SHROOM3: variants seen among roughly 807,000 people sequenced by gnomAD.
SHROOM3 encodes the protein protein Shroom3.
A neutral mutation model predicts 138.6 loss-of-function variants in SHROOM3; 47 were observed. That is an observed-to-expected ratio of 0.34 (90% confidence interval 0.27 to 0.43). The LOEUF (loss-of-function observed/expected upper bound fraction) is 0.43. SHROOM3 is among the 20% of genes least tolerant of loss of function. SHROOM3 has a pLI of 1.00. For synonymous variants in SHROOM3, 1,062 were observed against 1,063.3 expected (o/e 1.00, Z 0.02); for missense variants, 2,491 against 2,596.5 (o/e 0.96, Z 0.88).
chr4:76,495,683 T>C (rs1350798170), intron 1 of SHROOM3, among the ~76,000 whole-genome samples: 2 of 152,166 alleles, frequency 1.3e-5, no homozygotes, highest in South Asian at 2.1e-4. Flanking sequence ...TTTTTCCTGA[T>C]GTGGGGAGAG....
At chr4:76,513,235 C>T (rs1732375224) in intron 1 of SHROOM3, among the ~76,000 whole-genome samples, 1 of 152,124 alleles carries the variant, frequency 6.6e-6, no homozygotes, top group Non-Finnish European at 1.5e-5. Flanking sequence ...GGAGACAATG[C>T]CAGCTAAACA....
chr4:76,461,699 G>T (rs1478051999), intron 1 of SHROOM3, among the ~76,000 whole-genome samples: 1 of 151,952 alleles, frequency 6.6e-6, no homozygotes, highest in Non-Finnish European at 1.5e-5. Context: ...AAAGCAAAAG[G>T]CTTATGGTAA....
chr4:76,544,434 T>G (rs1359222971), intron 1 of SHROOM3, among the ~76,000 whole-genome samples: 5 of 143,550 alleles, frequency 3.5e-5, no homozygotes, highest in Admixed American at 1.4e-4. Flanking sequence ...TTTTTTTTTT[T>G]GATGCAGAGT....
At chr4:76,668,598 CAAAT>C (rs1302284008) in intron 2 of SHROOM3, among the ~76,000 whole-genome samples, 2 of 151,028 alleles carry the variant, frequency 1.3e-5, no homozygotes, top group Non-Finnish European at 3.0e-5. Flanking sequence ...AACAAACAAA[CAAAT>C]GAAAAAAACT....
chr4:76,709,188 C>A (rs1234934305), intron 2 of SHROOM3, among the ~76,000 whole-genome samples: 1 of 152,220 alleles, frequency 6.6e-6, no homozygotes, highest in Non-Finnish European at 1.5e-5. Context: ...GTTCAGTAAT[C>A]CCTTCCCCTC....
chr4:76,602,841 G>C (rs1474935016), intron 2 of SHROOM3, among the ~76,000 whole-genome samples: 1 of 152,014 alleles, frequency 6.6e-6, no homozygotes, highest in East Asian at 1.9e-4. Context: ...CTTTCCTCCT[G>C]GTGCCTCGGT....
intron 1 of SHROOM3, among the ~76,000 whole-genome samples, chr4:76,452,381 C>G (rs1212983901): frequency 6.6e-6 from 1 of 152,200 alleles, no homozygotes; most frequent in Non-Finnish European, 1.5e-5. Flanking sequence ...AACCAATTCT[C>G]CATTCCTTCC....
chr4:76,602,567 G>A (rs1027391027), intron 2 of SHROOM3, among the ~76,000 whole-genome samples: 4 of 151,802 alleles, frequency 2.6e-5, no homozygotes, highest in Non-Finnish European at 5.9e-5. Flanking sequence ...ATATATAGTA[G>A]GCAAAATTAA....
rs138801107 is a variant in SHROOM3, at chr4:76,746,362, A to C, written c.3754-2655A>C. The stretch of plus-strand genomic sequence containing the variant: ...GATTATAATACCATACTTTTACTGT[A>C]TCTTCTCCATGTTTAGATACAAAAA... On this transcript the variant is annotated intron_variant, in intron 5 of 10. Transcript: ENST00000296043. 3.9e-3 allele frequency among the ~76,000 whole-genome samples: 595 copies of C among 152,336 alleles called. 3 individuals carry two copies. Among genetic ancestry groups the C allele is most frequent in the Non-Finnish European group, 6.8e-3 (464 of 68,030 alleles).
At chr4:76,503,919 A>C (rs536717609) in intron 1 of SHROOM3, among the ~76,000 whole-genome samples, 17 of 152,264 alleles carry the variant, frequency 1.1e-4, no homozygotes, top group African/African-American at 4.1e-4. Context: ...CCATCTCTTA[A>C]GATGTCCAAC....
intron 2 of SHROOM3, among the ~76,000 whole-genome samples, chr4:76,661,352 A>C (rs1291956203): frequency 2.6e-5 from 4 of 151,854 alleles, no homozygotes; most frequent in South Asian, 2.1e-4. Context: ...GCCTCAGCCT[A>C]CCAAGTAGCT....
At chr4:76,592,059 T>C (rs1183798077) in intron 2 of SHROOM3, among the ~76,000 whole-genome samples, 2 of 152,162 alleles carry the variant, frequency 1.3e-5, no homozygotes, top group African/African-American at 4.8e-5. Context: ...TATTGCAATT[T>C]TTTAGGGGGT....
Position 76,770,652 on chromosome 4 carries a change from C to T in SHROOM3, c.5376C>T (p.His1792=). The part of the protein sequence containing the change: ...KKAELIGSLT[H]KLETLQEAKG... ...CTGAGCTCATTGGAAGTCTCACCCA[C>T]AAGCTGGAGACCCTCCAGGAGGCGA... Residue 1792 remains histidine, a synonymous_variant, in exon 10 of 11, where the codon CAC becomes CAT. Coordinates refer to ENST00000296043, the MANE Select transcript of SHROOM3 (RefSeq NM_020859.4). The T allele has an allele frequency of 2.5e-6, 4 of 1,614,142 alleles. No homozygotes were observed. Among genetic ancestry groups the T allele is most frequent in the Non-Finnish European group, 3.4e-6 (4 of 1,180,026 alleles).
intron 2 of SHROOM3, among the ~76,000 whole-genome samples, chr4:76,620,070 C>CAAAAAAAA (rs68039696): frequency 8.0e-4 from 49 of 60,916 alleles, no homozygotes; most frequent in East Asian, 1.4e-3. Flanking sequence ...GAATCTATCT[C>CAAAAAAAA]AAAAAAAAAA....
At chr4:76,727,572 C>G (rs1218827152) in intron 3 of SHROOM3, among the ~76,000 whole-genome samples, 1 of 152,168 alleles carries the variant, frequency 6.6e-6, no homozygotes, top group Non-Finnish European at 1.5e-5. Flanking sequence ...AACCCTCAGG[C>G]TCCCTGCCTA....
At chr4:76,687,733 T>C (rs529160713) in intron 2 of SHROOM3, among the ~76,000 whole-genome samples, 1 of 152,366 alleles carries the variant, frequency 6.6e-6, no homozygotes, top group East Asian at 1.9e-4. Context: ...CCTCTGGTCA[T>C]AGTGATGAAT....
intron 1 of SHROOM3, among the ~76,000 whole-genome samples, chr4:76,459,817 G>A (rs1448540591): frequency 6.6e-6 from 1 of 152,108 alleles, no homozygotes. Context: ...CAGCGAGAGT[G>A]GCACAAAAGA....
At chr4:76,607,408 T>G (rs894346587) in intron 2 of SHROOM3, among the ~76,000 whole-genome samples, 5 of 152,224 alleles carry the variant, frequency 3.3e-5, no homozygotes, top group Non-Finnish European at 5.9e-5. Context: ...TGACAGATAT[T>G]CATTTAAATT....
rs147430104 is a variant in SHROOM3, at chr4:76,498,521, CACAA to C, written c.169-57084_169-57081del. Among the ~76,000 whole-genome samples the C allele has an allele frequency of 7.5e-3, 1,149 of 152,204 alleles. 21 individuals are homozygous for C. The East Asian group carries it at 0.079, about 10-fold the overall frequency. On this transcript the variant is annotated intron_variant, in intron 1 of 10. Coordinates refer to ENST00000296043, the MANE Select transcript of SHROOM3 (RefSeq NM_020859.4). ...GTTGACTTTTTCTTTCTTTGTGAATCACAAACAGAGTTTAGAAGTGGTATGTTTT... is the reference window on the plus strand; with the variant it reads ...GTTGACTTTTTCTTTCTTTGTGAATCACAGAGTTTAGAAGTGGTATGTTTT...
Sources: allele counts gnomAD v4.1 joint callset (sites outside exome capture counted in the v4.1 genomes callset), GRCh38; gene constraint gnomAD v4.1.1; transcripts MANE v1.5; gene names NCBI Gene and HGNC (gene_info 2026-07-23, HGNC 2026-07-21).